QRICH1: variants seen among roughly 807,000 people sequenced by gnomAD.
QRICH1 encodes transcriptional regulator QRICH1.
Under a neutral mutation model 87.1 loss-of-function variants are expected in QRICH1, and 16 were observed. The observed-to-expected ratio is 0.18, with a 90% CI of 0.12 to 0.28. The LOEUF is 0.28. Among genes scored for constraint, QRICH1 ranks in the 10% least tolerant of loss-of-function variants. QRICH1 has a pLI of 1.00. For synonymous variants in QRICH1, 367 were observed against 368.4 expected, an observed-to-expected ratio of 1.00 and a Z score of 0.05; for missense variants, 647 against 951.7, an observed-to-expected ratio of 0.68 and a Z score of 4.21.
intron 2 of QRICH1, among the ~76,000 whole-genome samples, chr3:49,065,020 AAAAC>A (rs1350999780): frequency 3.9e-5 from 6 of 152,234 alleles, no homozygotes; most frequent in South Asian, 2.1e-4. Context: ...GTTCTAGAAA[AAAAC>A]AAACAAAAAT....
chr3:49,030,359 A>G lies in QRICH1; in HGVS notation c.*93T>C, dbSNP rs1413702161. 1.5e-6 allele frequency: 2 copies of G among 1,307,114 alleles called. No homozygotes were observed. Among genetic ancestry groups the G allele is most frequent in the Admixed American group, 2.5e-5 (1 of 39,790 alleles). 81.0% of individuals were successfully genotyped at this position (1,307,114 alleles called of 1,614,324 possible). A position where few individuals can be genotyped will look rare whatever the true frequency, so the allele number is the denominator to read the frequency against. On this transcript the variant is annotated 3_prime_UTR_variant, in exon 10 of 10. Coordinates refer to ENST00000395443, the MANE Select transcript of QRICH1 (RefSeq NM_198880.3). The stretch of plus-strand genomic sequence containing the variant: ...AAGGCTTCGTAACTACACCAATAAA[A>G]AAAAGAAAAAAAAAAATGGAGGCCT...
At chr3:49,034,079 T>TTTATTA (rs10691654) in intron 6 of QRICH1, among the ~76,000 whole-genome samples, 8,388 of 147,106 alleles carry the variant, frequency 0.057, 364 homozygotes, top group African/African-American at 0.12. Flanking sequence ...TTTGGGGGAT[T>TTTATTA]TTATTATTAT....
intron 2 of QRICH1, among the ~76,000 whole-genome samples, chr3:49,067,030 T>C (rs2093472606): frequency 6.6e-6 from 1 of 151,154 alleles, no homozygotes; most frequent in Non-Finnish European, 1.5e-5. Flanking sequence ...AGAGACTCTG[T>C]CTCAAAAAAA....
At chr3:49,042,435 TGAAAG>T (rs1230357341) in intron 6 of QRICH1, among the ~76,000 whole-genome samples, 4 of 151,952 alleles carry the variant, frequency 2.6e-5, no homozygotes, top group African/African-American at 7.3e-5. Context: ...TATTGCTAAA[TGAAAG>T]GAACAAATCT....
chr3:49,043,241 A>T (rs2093320716), intron 6 of QRICH1, among the ~76,000 whole-genome samples: 1 of 152,140 alleles, frequency 6.6e-6, no homozygotes, highest in Non-Finnish European at 1.5e-5. Context: ...TCATGCCTGT[A>T]ATCCCAGCAT....
chr3:49,039,405 G>T (rs2093295938), intron 6 of QRICH1, among the ~76,000 whole-genome samples: 1 of 151,824 alleles, frequency 6.6e-6, no homozygotes, highest in Non-Finnish European at 1.5e-5. Flanking sequence ...GATAGGCTGG[G>T]CCCGGTGGCT....
chr3:49,031,715 G>C (rs904585818), intron 9 of QRICH1, among the ~76,000 whole-genome samples: 5 of 152,174 alleles, frequency 3.3e-5, no homozygotes, highest in African/African-American at 1.2e-4. Flanking sequence ...AGTGTGGCTA[G>C]GGAACTAAGA....
chr3:49,035,775 A>G (rs1160235361), intron 6 of QRICH1, among the ~76,000 whole-genome samples: 2 of 152,132 alleles, frequency 1.3e-5, no homozygotes, highest in Non-Finnish European at 2.9e-5. Context: ...GAGACAAAGC[A>G]AGACCCTGTA....
chr3:49,093,245 C>G (rs1424151550), intron 1 of QRICH1: 1 of 152,176 alleles, frequency 6.6e-6, no homozygotes, highest in Non-Finnish European at 1.5e-5. Flanking sequence ...CCCAAGCACC[C>G]GCACCGTACT....
At chr3:49,059,188 A>G (rs1001322306) in intron 2 of QRICH1, among the ~76,000 whole-genome samples, 8 of 148,316 alleles carry the variant, frequency 5.4e-5, no homozygotes, top group African/African-American at 1.3e-4. Context: ...GATGGTCTCC[A>G]TCTCCTGACC....
At chr3:49,050,616 C>A (rs1425418386) in intron 3 of QRICH1, among the ~76,000 whole-genome samples, 2 of 151,992 alleles carry the variant, frequency 1.3e-5, no homozygotes, top group East Asian at 1.9e-4. Context: ...AGAGCTGATT[C>A]AATCTGCAGC....
chr3:49,039,322 G>A (rs1355928342), intron 6 of QRICH1, among the ~76,000 whole-genome samples: 10 of 151,874 alleles, frequency 6.6e-5, no homozygotes, highest in South Asian at 6.3e-4. Flanking sequence ...GTGTCATTGC[G>A]CTCCAGCCTG....
At chr3:49,084,152 G>T (rs1465243734) in intron 1 of QRICH1, among the ~76,000 whole-genome samples, 3 of 152,002 alleles carry the variant, frequency 2.0e-5, no homozygotes, top group Admixed American at 6.6e-5. Context: ...TGCCATGTTG[G>T]CCAGGCTGGT....
chr3:49,059,653 A>G (rs1177497753), intron 2 of QRICH1, among the ~76,000 whole-genome samples: 1 of 150,590 alleles, frequency 6.6e-6, no homozygotes, highest in East Asian at 2.0e-4. Flanking sequence ...CGATCTCTTG[A>G]CCTTGTGATC....
At chr3:49,058,908 G>A (rs1176535395) in intron 2 of QRICH1, among the ~76,000 whole-genome samples, 1 of 151,602 alleles carries the variant, frequency 6.6e-6, no homozygotes, top group Non-Finnish European at 1.5e-5. Flanking sequence ...GATTACAGGC[G>A]TGAGCCACCA....
chr3:49,084,079 T>C (rs1198900462), intron 1 of QRICH1, among the ~76,000 whole-genome samples: 6 of 151,210 alleles, frequency 4.0e-5, no homozygotes, highest in Non-Finnish European at 7.4e-5. Flanking sequence ...GGATTACAGG[T>C]ATGAGCCACC....
intron 6 of QRICH1, among the ~76,000 whole-genome samples, chr3:49,038,100 TG>T (rs2093286730): frequency 6.6e-6 from 1 of 151,894 alleles, no homozygotes; most frequent in Non-Finnish European, 1.5e-5. Context: ...CTCGGTCTGT[TG>T]CCCAGGCTAG....
chr3:49,057,904 G>A lies in QRICH1; in HGVS notation c.310-14C>T. The stretch of plus-strand genomic sequence containing the variant: ...CTGCACCTGGACCTGTAAGCAACAA[G>A]ATTCATCAGTGAGTGAACCAGGCAG... On this transcript the variant is annotated splice_polypyrimidine_tract_variant and intron_variant, in intron 2 of 9. Coordinates refer to ENST00000395443, the MANE Select transcript of QRICH1 (RefSeq NM_198880.3). This position sits in a 1 kb window ranked among gnomAD's most constrained non-coding sequence, Gnocchi z 5.4. 6.2e-7 allele frequency: 1 copy of A among 1,614,064 alleles called. No homozygotes were observed. Among genetic ancestry groups the A allele is most frequent in the Non-Finnish European group, 8.5e-7 (1 of 1,180,002 alleles).
At chr3:49,046,660 G>A in intron 4 of QRICH1, 81 bp from the exon 5 acceptor site, 1 of 1,467,464 alleles carries the variant, frequency 6.8e-7, no homozygotes. Context: ...GCCCATCAGG[G>A]TGCTGGGATA....
Sources: gnomAD v4.1 joint callset for allele counts (sites outside exome capture counted in the v4.1 genomes callset) on GRCh38, gnomAD v4.1.1 for gene constraint, Gnocchi (gnomAD v3.1) non-coding constraint, MANE v1.5 for transcripts, NCBI Gene and HGNC (gene_info 2026-07-23, HGNC 2026-07-21) for gene names.